SMAD3: variants seen among roughly 807,000 people sequenced by gnomAD.
SMAD3 encodes SMAD family member 3.
Under a neutral mutation model 51.8 loss-of-function variants are expected in SMAD3, and 12 were observed. The observed-to-expected ratio is 0.23, with a 90% CI of 0.15 to 0.38. The LOEUF is 0.38. Among genes scored for constraint, SMAD3 ranks in the 10% least tolerant of loss-of-function variants. The pLI is 1.00. For synonymous variants in SMAD3, 238 were observed against 227.7 expected, an observed-to-expected ratio of 1.05 and a Z score of -0.41; for missense variants, 294 against 565.6, an observed-to-expected ratio of 0.52 and a Z score of 4.87.
chr15:67,159,313 C>T (rs1056008972), intron 1 of SMAD3, among the ~76,000 whole-genome samples: 1 of 152,102 alleles, frequency 6.6e-6, no homozygotes, highest in Non-Finnish European at 1.5e-5. Context: ...TCAAGTGATC[C>T]ACCTGCCTTG....
intron 6 of SMAD3, among the ~76,000 whole-genome samples, chr15:67,181,938 C>T (rs562994168): frequency 2.0e-5 from 3 of 152,152 alleles, no homozygotes; most frequent in East Asian, 1.9e-4. Flanking sequence ...GGCACCCAAC[C>T]ACCACGCCCA....
intron 4 of SMAD3, among the ~76,000 whole-genome samples, chr15:67,169,612 C>G (rs1595946084): frequency 6.6e-6 from 1 of 150,452 alleles, no homozygotes; most frequent in East Asian, 2.0e-4. Context: ...GCCTTCACCA[C>G]TTACGGCTTA....
At chr15:67,153,479 C>T (rs550618440) in intron 1 of SMAD3, among the ~76,000 whole-genome samples, 10 of 115,300 alleles carry the variant, frequency 8.7e-5, no homozygotes, top group Admixed American at 5.2e-4. Flanking sequence ...AGCAAAACTC[C>T]GTCTTGGGGG....
At chr15:67,170,457 T>G (rs1459205730) in intron 4 of SMAD3, 97 bp from the exon 5 acceptor site, 14 of 991,402 alleles carry the variant, frequency 1.4e-5, no homozygotes, top group Non-Finnish European at 2.3e-5. Context: ...CTTTCTGCTG[T>G]GTTGGGCTAC....
intron 1 of SMAD3, among the ~76,000 whole-genome samples, chr15:67,150,999 G>A (rs1360652658): frequency 6.6e-6 from 1 of 150,982 alleles, no homozygotes; most frequent in Non-Finnish European, 1.5e-5. Context: ...GGGATTACAG[G>A]TGCCCACCAC....
At chr15:67,103,374 A>G (rs930153838) in intron 1 of SMAD3, among the ~76,000 whole-genome samples, 10 of 152,228 alleles carry the variant, frequency 6.6e-5, no homozygotes, top group African/African-American at 1.9e-4. Flanking sequence ...ACTGTATTGA[A>G]GACTGCATGA....
At chr15:67,183,000 A>AAATATATATATATAT (rs61323717) in intron 6 of SMAD3, among the ~76,000 whole-genome samples, 1 of 43,648 alleles carries the variant, frequency 2.3e-5, no homozygotes, top group African/African-American at 1.4e-4. Context: ...AAAAAAAAAA[A>AAATATATATATATAT]ATATATATAT....
At position 67,176,387 on chromosome 15, in the gene SMAD3, T is replaced by C. The variant is rs372957984; in HGVS notation, c.659-4854T>C. The stretch of plus-strand genomic sequence containing the variant: ...GAACTGGAGTGTGGAATCTCCTAGA[T>C]TGAGGAAGAGCTGCCTTCCGCAGGT... On this transcript the variant is annotated intron_variant, in intron 5 of 8. Transcript: ENST00000327367. Among the ~76,000 whole-genome samples, 19 of 152,244 alleles carry C rather than the reference T, an allele frequency of 1.2e-4. No homozygotes were observed. The East Asian group carries it at 1.4e-3, about 11-fold the overall frequency.
rs1265779703 is a variant in SMAD3, at chr15:67,170,628, A to G, written c.658+24A>G. ...GGGTGAGTATCTCCTTGTGCACACA[A>G]CTGGAACCCCCTCTAGCTGCAGCCC... is the stretch of plus-strand genomic sequence containing the variant. On this transcript the variant is annotated intron_variant, in intron 5 of 8. Coordinates refer to ENST00000327367, the MANE Select transcript of SMAD3 (RefSeq NM_005902.4). 1.9e-6 allele frequency: 3 copies of G among 1,607,310 alleles called. No homozygotes were observed. The African/African-American group carries it at 4.0e-5, about 21-fold the overall frequency.
chr15:67,156,663 C>T (rs1335614071), intron 1 of SMAD3, among the ~76,000 whole-genome samples: 1 of 150,704 alleles, frequency 6.6e-6, no homozygotes, highest in Non-Finnish European at 1.5e-5. Flanking sequence ...ACTCTAAAAA[C>T]CCAGCAGCTT....
At chr15:67,140,511 T>G (rs1961789610) in intron 1 of SMAD3, among the ~76,000 whole-genome samples, 1 of 152,238 alleles carries the variant, frequency 6.6e-6, no homozygotes, top group African/African-American at 2.4e-5. Context: ...TGAGAAACTA[T>G]GCAGAGAGCA....
At chr15:67,104,249 G>T (rs913614226) in intron 1 of SMAD3, among the ~76,000 whole-genome samples, 1 of 152,118 alleles carries the variant, frequency 6.6e-6, no homozygotes, top group Non-Finnish European at 1.5e-5. Flanking sequence ...GTATTACAAG[G>T]TGCTCACTGA....
At chr15:67,147,546 G>T (rs1962012265) in intron 1 of SMAD3, among the ~76,000 whole-genome samples, 1 of 152,168 alleles carries the variant, frequency 6.6e-6, no homozygotes, top group African/African-American at 2.4e-5. Flanking sequence ...AGGGGGAAAA[G>T]AAGGTGGTGG....
At chr15:67,137,881 T>A in intron 1 of SMAD3, 2 of 617,700 alleles carry the variant, frequency 3.2e-6, no homozygotes, top group Admixed American at 2.5e-5. Flanking sequence ...CCCTTTGGAT[T>A]TCTTCTGTCT....
chr15:67,118,311 A>G (rs779455729), intron 1 of SMAD3, among the ~76,000 whole-genome samples: 1 of 152,352 alleles, frequency 6.6e-6, no homozygotes, highest in East Asian at 1.9e-4. Flanking sequence ...AAGTAAAGAT[A>G]TGGATAGCGC....
intron 1 of SMAD3, among the ~76,000 whole-genome samples, chr15:67,088,408 C>G (rs1009895549): frequency 1.5e-4 from 23 of 152,292 alleles, no homozygotes; most frequent in African/African-American, 5.3e-4. Flanking sequence ...TAGGTGAGAG[C>G]ATCTGCCAGT....
intron 1 of SMAD3, among the ~76,000 whole-genome samples, chr15:67,071,543 G>T (rs1266890849): frequency 2.6e-5 from 4 of 152,110 alleles, no homozygotes; most frequent in Admixed American, 2.0e-4. Flanking sequence ...GGGCACGGTG[G>T]CTCACACCTG....
chr15:67,075,177 T>G (rs904118967), intron 1 of SMAD3, among the ~76,000 whole-genome samples: 1 of 152,200 alleles, frequency 6.6e-6, no homozygotes, highest in Non-Finnish European at 1.5e-5. Flanking sequence ...GAGTAATGAA[T>G]CCAGAAAGGA....
chr15:67,180,836 G>GAGT (rs1045295078), intron 5 of SMAD3, among the ~76,000 whole-genome samples: 3 of 152,164 alleles, frequency 2.0e-5, no homozygotes, highest in African/African-American at 7.2e-5. Flanking sequence ...GCCCCACAGT[G>GAGT]AGTACACGCA....
Sources: gnomAD v4.1 joint callset for allele counts (sites outside exome capture counted in the v4.1 genomes callset) on GRCh38, gnomAD v4.1.1 for gene constraint, MANE v1.5 for transcripts, NCBI Gene and HGNC (gene_info 2026-07-23, HGNC 2026-07-21) for gene names.